Variants in SCGB2B2 observed in about 807,000 individuals in gnomAD.
SCGB2B2 encodes secretoglobin family 2B member 2.
SCGB2B2 carries 11 observed loss-of-function variants against 7.6 expected under a neutral mutation model. That is an observed-to-expected ratio of 1.45 (90% CI 0.91 to 2.40). The LOEUF (loss-of-function observed/expected upper bound fraction) is 2.40, where lower values mean the gene tolerates loss of function less well. Among genes scored for constraint, SCGB2B2 ranks in the 30% most tolerant of loss-of-function variants. The pLI, the probability that SCGB2B2 is intolerant of heterozygous loss-of-function variation, is 0.00. For missense variants in SCGB2B2, 104 were observed against 115.4 expected (o/e 0.90, Z 0.45); for synonymous variants, 50 against 48.6 (o/e 1.03, Z -0.12).
chr19:34,669,132 C>T (rs2067728791), intron 1 of SCGB2B2, among the ~76,000 whole-genome samples: 1 of 152,168 alleles, frequency 6.6e-6, no homozygotes, highest in Non-Finnish European at 1.5e-5. Flanking sequence ...GAACTAACAA[C>T]TCCAGACGCG....
At chr19:34,661,325 G>A (rs2067450940) in intron 1 of SCGB2B2, among the ~76,000 whole-genome samples, 1 of 151,906 alleles carries the variant, frequency 6.6e-6, no homozygotes, top group Non-Finnish European at 1.5e-5. Flanking sequence ...AAATACATAT[G>A]TAAAAAATTA....
At chr19:34,634,063 A>G (rs1446526570) in intron 1 of SCGB2B2, among the ~76,000 whole-genome samples, 2 of 152,194 alleles carry the variant, frequency 1.3e-5, no homozygotes, top group African/African-American at 2.4e-5. Context: ...AATCCAGAAC[A>G]CATTCAGATT....
chr19:34,611,429 G>T (rs1299425624), intron 1 of SCGB2B2, among the ~76,000 whole-genome samples: 2 of 151,298 alleles, frequency 1.3e-5, no homozygotes, highest in Non-Finnish European at 1.5e-5. Flanking sequence ...AAATCTTTCT[G>T]TTTTTTTGAT....
In SCGB2B2 at chr19:34,614,594, A is replaced by T. The variant is rs570841340; in HGVS notation, c.-2031-18000T>A. Among the ~76,000 whole-genome samples the T allele has an allele frequency of 2.6e-5, 4 of 152,198 alleles. No individual in the cohort carries two copies. In the East Asian group the frequency reaches 7.7e-4, roughly 29 times the overall value. On this transcript the variant is annotated intron_variant, in intron 1 of 3. Transcript: ENST00000601241. ...GATTAGTAGTTTGAATTCCTTTTCCATAGGTCATTTATTTCCTTTTCATTG... is the reference window on the plus strand; with the variant it reads ...GATTAGTAGTTTGAATTCCTTTTCCTTAGGTCATTTATTTCCTTTTCATTG...
intron 1 of SCGB2B2, among the ~76,000 whole-genome samples, chr19:34,663,465 A>T (rs1162501739): frequency 2.0e-5 from 3 of 152,264 alleles, no homozygotes; most frequent in Non-Finnish European, 4.4e-5. Context: ...ACACACGATG[A>T]CTACGGCCAT....
rs546407685 is a variant in SCGB2B2, at chr19:34,592,971, A to G, written c.*584T>C. Among the ~76,000 whole-genome samples, 1 of 152,208 alleles carries G rather than the reference A, an allele frequency of 6.6e-6. No homozygotes were observed. The highest frequency in any genetic ancestry group is 2.1e-4 in the South Asian group (1 of 4,820). The stretch of plus-strand genomic sequence containing the variant: ...GGTAGAGGTAGGGGGAGAAAAAAGG[A>G]CAGCTTGGGTAGGTAGGGATGGAGA... On this transcript the variant is annotated 3_prime_UTR_variant, in exon 4 of 4. Coordinates refer to ENST00000601241, the MANE Select transcript of SCGB2B2 (RefSeq NM_001025591.4).
At chr19:34,627,556 A>G (rs1203007906) in intron 1 of SCGB2B2, among the ~76,000 whole-genome samples, 1 of 152,244 alleles carries the variant, frequency 6.6e-6, no homozygotes, top group African/African-American at 2.4e-5. Context: ...CAATTCAACA[A>G]GAAGAGCTAA....
chr19:34,591,446 G>A lies in SCGB2B2; in HGVS notation c.*2109C>T, dbSNP rs1334984059. Among the ~76,000 whole-genome samples the A allele has an allele frequency of 6.6e-6, 1 of 152,190 alleles. No homozygotes were observed. The highest frequency in any genetic ancestry group is 1.9e-4 in the East Asian group (1 of 5,190). On this transcript the variant is annotated 3_prime_UTR_variant, in exon 4 of 4. Transcript: ENST00000601241. ...TGTGACAAGGCCACGGTGTCTACCT[G>A]GACGGCCACAGGGACTCCCAGTTGG...
intron 1 of SCGB2B2, among the ~76,000 whole-genome samples, chr19:34,651,510 G>A (rs1295730822): frequency 6.6e-6 from 1 of 150,910 alleles, no homozygotes; most frequent in African/African-American, 2.5e-5. Context: ...AAAAGAAATC[G>A]AGAAAGCAAT....
rs879668084 is a variant in SCGB2B2 at position 34,608,684 on chromosome 19, T to TATATATATAC, written c.-2031-12091_-2031-12090insGTATATATAT. The stretch of plus-strand genomic sequence containing the variant: ...GCATATATATATATATATATATATA[T>TATATATATAC]ACCGTATTTTCTTCATCTTTTCACT... On this transcript the variant is annotated intron_variant, in intron 1 of 3. Coordinates refer to ENST00000601241, the MANE Select transcript of SCGB2B2 (RefSeq NM_001025591.4). 2.4e-4 allele frequency: 30 copies of TATATATATAC among 126,612 alleles called. 1 individual carries two copies. Among genetic ancestry groups the TATATATATAC allele is most frequent in the Middle Eastern group, 4.2e-3 (1 of 236 alleles). The allele number at this position is 126,612 out of a possible 1,614,324, so 7.8% of individuals were successfully genotyped here.
intron 1 of SCGB2B2, among the ~76,000 whole-genome samples, chr19:34,610,954 T>A (rs980977111): frequency 2.0e-5 from 3 of 152,060 alleles, no homozygotes; most frequent in African/African-American, 7.2e-5. Flanking sequence ...GAGTCTGGGT[T>A]TTTTCTTTGA....
At chr19:34,671,791 A>T (rs1459397859) in intron 1 of SCGB2B2, among the ~76,000 whole-genome samples, 5 of 152,274 alleles carry the variant, frequency 3.3e-5, no homozygotes, top group South Asian at 4.1e-4. Flanking sequence ...TAATTTTTTT[A>T]AAAAATTATT....
At chr19:34,628,370 GCTA>G (rs2066435924) in intron 1 of SCGB2B2, among the ~76,000 whole-genome samples, 1 of 150,026 alleles carries the variant, frequency 6.7e-6, no homozygotes, top group Admixed American at 6.6e-5. Context: ...TTGATAGACT[GCTA>G]GCAAGACTAA....
rs1367243890 is a variant in SCGB2B2 at position 34,645,949 on chromosome 19, T to C, written c.-2032+29681A>G. The C allele has an allele frequency of 1.4e-5, 4 of 290,586 alleles. 1 individual carries two copies. Among genetic ancestry groups the C allele is most frequent in the Non-Finnish European group, 2.7e-5 (4 of 146,914 alleles). 18.0% of individuals were successfully genotyped at this position (290,586 alleles called of 1,614,324 possible). A position where few individuals can be genotyped will look rare whatever the true frequency, so the allele number is the denominator to read the frequency against. On this transcript the variant is annotated intron_variant, in intron 1 of 3. Coordinates refer to ENST00000601241, the MANE Select transcript of SCGB2B2 (RefSeq NM_001025591.4). ...GTTGCTTTTGCATACCCAGAGGACCTGAAGCGGGAGCTTGCTCAATACAAC... is the reference window on the plus strand; with the variant it reads ...GTTGCTTTTGCATACCCAGAGGACCCGAAGCGGGAGCTTGCTCAATACAAC...
intron 1 of SCGB2B2, among the ~76,000 whole-genome samples, chr19:34,639,948 G>T (rs895757593): frequency 3.3e-5 from 5 of 152,010 alleles, no homozygotes; most frequent in Non-Finnish European, 7.4e-5. Flanking sequence ...GCTTGCTCTT[G>T]GTGGTAGTAG....
chr19:34,633,563 A>G (rs2066593717), intron 1 of SCGB2B2, among the ~76,000 whole-genome samples: 1 of 152,202 alleles, frequency 6.6e-6, no homozygotes, highest in African/African-American at 2.4e-5. Context: ...GAAAAAGAAA[A>G]TAAGTCTACA....
At chr19:34,606,488 G>A (rs562937191) in intron 1 of SCGB2B2, among the ~76,000 whole-genome samples, 18 of 150,822 alleles carry the variant, frequency 1.2e-4, no homozygotes, top group Admixed American at 9.3e-4. Flanking sequence ...CTTTTTGAGG[G>A]GTAGGAAACA....
At chr19:34,588,780 C>T (rs984048625), downstream of SCGB2B2, among the ~76,000 whole-genome samples, 6 of 152,172 alleles carry the variant, frequency 3.9e-5, no homozygotes, top group Admixed American at 3.9e-4. Context: ...TCACACTCCT[C>T]AGGGCACATA....
chr19:34,658,810 CAACAAAAAAA>C (rs1324519692), intron 1 of SCGB2B2, among the ~76,000 whole-genome samples: 6 of 63,196 alleles, frequency 9.5e-5, no homozygotes, highest in Non-Finnish European at 1.6e-4. Flanking sequence ...ACAACAACAA[CAACAAAAAAA>C]AAAAAAAAAA....
Sources: gnomAD v4.1 joint callset for allele counts (sites outside exome capture counted in the v4.1 genomes callset) on GRCh38, gnomAD v4.1.1 for gene constraint, MANE v1.5 for transcripts, NCBI Gene and HGNC (gene_info 2026-07-23, HGNC 2026-07-21) for gene names.